The following PTPRM variants were observed in gnomAD, a reference collection of about 807,000 sequenced individuals.
The protein encoded by PTPRM is protein tyrosine phosphatase receptor type M, also known as receptor-type tyrosine-protein phosphatase mu.
Under a neutral mutation model 186.7 loss-of-function variants are expected in PTPRM, and 47 were observed. The ratio of observed to expected loss-of-function variants is 0.25; its 90% CI spans 0.20 to 0.32. The LOEUF (loss-of-function observed/expected upper bound fraction) is 0.32, where lower values mean the gene tolerates loss of function less well. Ranked by LOEUF, PTPRM falls within the 10% of genes least tolerant of loss-of-function variation. The pLI, the probability that PTPRM is intolerant of heterozygous loss-of-function variation, is 1.00. For missense variants in PTPRM, 1,494 were observed against 1,865.0 expected (o/e 0.80, Z 3.66); for synonymous variants, 668 against 674.9 (o/e 0.99, Z 0.16).
chr18:7,832,845 A>G (rs961171359), intron 2 of PTPRM, among the ~76,000 whole-genome samples: 7 of 152,178 alleles, frequency 4.6e-5, no homozygotes, highest in African/African-American at 1.7e-4. Context: ...ATGAATATCC[A>G]CTTTTCCCAA....
Position 8,038,202 on chromosome 18 carries a change from C to T in PTPRM, c.1133-31484C>T, listed in dbSNP as rs573371705. Among the ~76,000 whole-genome samples the T allele has an allele frequency of 2.0e-5, 3 of 152,108 alleles. No individual in the cohort carries two copies. The South Asian group carries it at 6.2e-4, about 32-fold the overall frequency. On this transcript the variant is annotated intron_variant, in intron 7 of 32. Coordinates refer to ENST00000580170, the MANE Select transcript of PTPRM (RefSeq NM_001105244.2). ...TCTAACCCTGGTATCTTCAGATTTA[C>T]CCCTGAAATGGACTTGATCTCTGGA...
At chr18:8,355,297 A>G (rs968011791) in intron 23 of PTPRM, among the ~76,000 whole-genome samples, 1 of 152,204 alleles carries the variant, frequency 6.6e-6, no homozygotes, top group Non-Finnish European at 1.5e-5. Context: ...CAATAAATGC[A>G]TCTCAGAACA....
At chr18:7,622,892 TG>T (rs2037974235) in intron 1 of PTPRM, among the ~76,000 whole-genome samples, 1 of 152,140 alleles carries the variant, frequency 6.6e-6, no homozygotes, top group Admixed American at 6.5e-5. Flanking sequence ...AAATTGGGCT[TG>T]TTGAAACAAG....
chr18:8,319,296 A>T, intron 22 of PTPRM, 82 bp downstream of exon 22: 2 of 1,004,418 alleles, frequency 2.0e-6, no homozygotes, highest in Non-Finnish European at 3.0e-6. Flanking sequence ...ACCCTCCTTC[A>T]GGAAGATATT....
intron 4 of PTPRM, among the ~76,000 whole-genome samples, chr18:7,906,819 TTGGCATG>T (rs767041625): frequency 6.6e-6 from 1 of 152,222 alleles, no homozygotes; most frequent in Non-Finnish European, 1.5e-5. Context: ...AAGGAATTCT[TTGGCATG>T]CTCAGACATC....
At chr18:8,139,207 G>T (rs143019904) in intron 13 of PTPRM, among the ~76,000 whole-genome samples, 1 of 151,890 alleles carries the variant, frequency 6.6e-6, no homozygotes, top group African/African-American at 2.4e-5. Context: ...TGCAGTTCTC[G>T]CCCTGTCAGT....
At chr18:8,281,068 T>C (rs1018417568) in intron 19 of PTPRM, among the ~76,000 whole-genome samples, 1 of 152,162 alleles carries the variant, frequency 6.6e-6, no homozygotes, top group Admixed American at 6.5e-5. Flanking sequence ...GTTATAATGG[T>C]TACACCAGCT....
At chr18:8,314,483 C>A (rs1472411752) in intron 20 of PTPRM, among the ~76,000 whole-genome samples, 1 of 152,182 alleles carries the variant, frequency 6.6e-6, no homozygotes, top group East Asian at 1.9e-4. Flanking sequence ...CCAAGATCTA[C>A]TTATGTTTGT....
chr18:7,838,506 A>G (rs1237361403), intron 2 of PTPRM, among the ~76,000 whole-genome samples: 1 of 152,200 alleles, frequency 6.6e-6, no homozygotes, highest in Non-Finnish European at 1.5e-5. Flanking sequence ...CCCTTAATTT[A>G]TCTCCCAAAA....
chr18:8,384,421 G>A, intron 29 of PTPRM, 140 bp from the exon 30 acceptor site: 6 of 938,738 alleles, frequency 6.4e-6, no homozygotes, highest in South Asian at 5.1e-5. Context: ...TCGCACCACT[G>A]CACTCTAGCT....
intron 3 of PTPRM, among the ~76,000 whole-genome samples, chr18:7,896,457 C>T (rs2049361399): frequency 1.3e-5 from 2 of 152,016 alleles, no homozygotes; most frequent in Non-Finnish European, 2.9e-5. Flanking sequence ...ATTTTGAGCC[C>T]AGTCAGAGGC....
chr18:7,587,235 T>G (rs1038909362), intron 1 of PTPRM, among the ~76,000 whole-genome samples: 1 of 152,186 alleles, frequency 6.6e-6, no homozygotes, highest in Non-Finnish European at 1.5e-5. Context: ...ATGAAATAGT[T>G]CATTTATCTG....
At chr18:8,190,032 A>G (rs922044287) in intron 14 of PTPRM, among the ~76,000 whole-genome samples, 1 of 152,200 alleles carries the variant, frequency 6.6e-6, no homozygotes, top group Non-Finnish European at 1.5e-5. Flanking sequence ...ACTTATAACA[A>G]CTATATATAT....
chr18:8,063,043 G>A (rs1361916041), intron 7 of PTPRM, among the ~76,000 whole-genome samples: 61 of 150,824 alleles, frequency 4.0e-4, no homozygotes, highest in South Asian at 1.0e-3. Context: ...AATGGCGGGC[G>A]CCCCTCCCCC....
At chr18:7,570,298 G>T (rs1450739798) in intron 1 of PTPRM, among the ~76,000 whole-genome samples, 1 of 152,162 alleles carries the variant, frequency 6.6e-6, no homozygotes, top group Non-Finnish European at 1.5e-5. Context: ...GCTAGGAGTG[G>T]CATTGACACA....
intron 7 of PTPRM, among the ~76,000 whole-genome samples, chr18:8,046,121 T>A (rs1185121578): frequency 1.3e-5 from 2 of 152,142 alleles, no homozygotes; most frequent in Non-Finnish European, 2.9e-5. Context: ...ATTTCCCTTC[T>A]GGCACTTATT....
intron 3 of PTPRM, among the ~76,000 whole-genome samples, chr18:7,890,801 C>T (rs1039407011): frequency 6.6e-6 from 1 of 151,838 alleles, no homozygotes; most frequent in African/African-American, 2.4e-5. Flanking sequence ...ATTTATGCTA[C>T]CTCAATACAA....
chr18:7,688,142 A>G (rs661059), intron 1 of PTPRM, among the ~76,000 whole-genome samples: 45,980 of 151,956 alleles, frequency 0.3, 7,251 homozygotes, highest in Middle Eastern at 0.45. Context: ...AGCATATGGC[A>G]TCATATTTTG....
chr18:8,376,105 T>C lies in PTPRM; in HGVS notation c.3231T>C (p.His1077=). Residue 1077 remains histidine (H), a synonymous_variant, in exon 25 of 33, where the codon CAT becomes CAC. Coordinates refer to ENST00000580170, the MANE Select transcript of PTPRM (RefSeq NM_001105244.2). ...TTCACTTCACTGGCTGGCCGGATCATGGGGTCCCCTACCATGCCACCGGCC... is the reference window on the plus strand; with the variant it reads ...TTCACTTCACTGGCTGGCCGGATCACGGGGTCCCCTACCATGCCACCGGCC... ...RQFHFTGWPD[H]GVPYHATGLL... 2 of 1,614,110 alleles carry C rather than the reference T, an allele frequency of 1.2e-6. No individual in the cohort carries two copies. Among genetic ancestry groups the C allele is most frequent in the Non-Finnish European group, 1.7e-6 (2 of 1,179,974 alleles).
Sources: gnomAD v4.1 joint callset for allele counts (sites outside exome capture counted in the v4.1 genomes callset) on GRCh38, gnomAD v4.1.1 for gene constraint, MANE v1.5 for transcripts, NCBI Gene and HGNC (gene_info 2026-07-23, HGNC 2026-07-21) for gene names.